Variants in CYTH3 observed in about 807,000 individuals in gnomAD.
CYTH3 encodes cytohesin 3.
In CYTH3, 23 loss-of-function variants were observed where a neutral mutation model predicts 55.1. That is an observed-to-expected ratio of 0.42 (90% CI 0.30 to 0.59). CYTH3 has a LOEUF of 0.59. CYTH3 is among the 20% of genes least tolerant of loss of function. The pLI is 0.20. For missense variants in CYTH3, 413 were observed against 524.8 expected, an observed-to-expected ratio of 0.79 and a Z score of 2.08; for synonymous variants, 249 against 194.9, an observed-to-expected ratio of 1.28 and a Z score of -2.31.
rs1022446891 is a variant in CYTH3 at position 6,162,965 on chromosome 7, G to C, written c.*1979C>G. 2.0e-5 allele frequency: 3 copies of C among 152,666 alleles called. No homozygotes were observed. The highest frequency in any genetic ancestry group is 4.4e-5 in the Non-Finnish European group (3 of 68,050). 9.5% of individuals were successfully genotyped at this position (152,666 alleles called of 1,614,324 possible). On this transcript the variant is annotated 3_prime_UTR_variant, in exon 13 of 13. Transcript: ENST00000350796. ...GCCGTCAGTGTGTGGTCTGGGTGGG[G>C]GTCCAGGCAGCATTTATTTTCATGG...
chr7:6,184,917 G>T (rs1344554073), intron 4 of CYTH3, among the ~76,000 whole-genome samples: 1 of 152,186 alleles, frequency 6.6e-6, no homozygotes, highest in Non-Finnish European at 1.5e-5. Context: ...TTATTTGTAT[G>T]TATTTCATGA....
At chr7:6,253,801 G>A (rs1423345784) in intron 1 of CYTH3, among the ~76,000 whole-genome samples, 1 of 151,790 alleles carries the variant, frequency 6.6e-6, no homozygotes, top group Non-Finnish European at 1.5e-5. Flanking sequence ...GGGTGACAGA[G>A]TGAGATGCTG....
At chr7:6,201,132 C>A (rs1201663024) in intron 1 of CYTH3, among the ~76,000 whole-genome samples, 1 of 152,210 alleles carries the variant, frequency 6.6e-6, no homozygotes. Context: ...AAAGGGCAGG[C>A]TCTGAGCTGC....
intron 1 of CYTH3, among the ~76,000 whole-genome samples, chr7:6,236,581 C>A (rs1424437107): frequency 6.6e-6 from 1 of 150,864 alleles, no homozygotes; most frequent in African/African-American, 2.4e-5. Context: ...GTTTTTTAGG[C>A]AAATTCTCGC....
chr7:6,255,288 G>C (rs1475013050), intron 1 of CYTH3, among the ~76,000 whole-genome samples: 2 of 152,194 alleles, frequency 1.3e-5, no homozygotes, highest in Non-Finnish European at 2.9e-5. Flanking sequence ...TAAGCATACA[G>C]AAAGTATGAA....
intron 1 of CYTH3, among the ~76,000 whole-genome samples, chr7:6,268,078 A>G (rs903965028): frequency 8.6e-5 from 13 of 152,030 alleles, no homozygotes; most frequent in Non-Finnish European, 1.5e-4. Context: ...TTCACCTTCC[A>G]GGGAATCTGC....
intron 12 of CYTH3, 101 bp from the exon 13 acceptor site, chr7:6,165,117 A>C: frequency 6.4e-7 from 1 of 1,568,528 alleles, no homozygotes. Context: ...CCGCAGGCTC[A>C]GATCTGAACG....
At position 6,170,809 on chromosome 7, in the gene CYTH3, GC is replaced by G; in HGVS notation, c.711+20del. 1 of 1,601,630 alleles carries G rather than the reference GC, an allele frequency of 6.2e-7. No homozygotes were observed. The highest frequency in any genetic ancestry group is 8.5e-7 in the Non-Finnish European group (1 of 1,174,066). Reference sequence around the variant, plus strand: ...CGAAGAGATCCTGCAGACGGCAGCGGCCGCGGGCCGGGGAGCTCACCCTCAG... The same window carrying G: ...CGAAGAGATCCTGCAGACGGCAGCGGCGCGGGCCGGGGAGCTCACCCTCAG... On this transcript the variant is annotated intron_variant, in intron 8 of 12. Coordinates refer to ENST00000350796, the MANE Select transcript of CYTH3 (RefSeq NM_004227.4). This position sits in a 1 kb window ranked among gnomAD's most constrained non-coding sequence, Gnocchi z 7.8.
intron 1 of CYTH3, among the ~76,000 whole-genome samples, chr7:6,247,995 T>C (rs1779864815): frequency 6.6e-6 from 1 of 152,000 alleles, no homozygotes; most frequent in South Asian, 2.1e-4. Context: ...GCCCTAGTTT[T>C]CAGCTTGGCC....
intron 4 of CYTH3, among the ~76,000 whole-genome samples, chr7:6,179,858 CCACA>C (rs964007899): frequency 2.5e-5 from 3 of 121,250 alleles, no homozygotes; most frequent in African/African-American, 3.6e-5. Flanking sequence ...CACAGACACA[CCACA>C]CACACCCACA....
chr7:6,256,736 G>GT (rs1583201946), intron 1 of CYTH3, among the ~76,000 whole-genome samples: 1 of 152,174 alleles, frequency 6.6e-6, no homozygotes, highest in East Asian at 1.9e-4. Flanking sequence ...AAAAAGTCAT[G>GT]TTCTGCATGT....
chr7:6,190,425 T>G, intron 2 of CYTH3, 24 bp downstream of exon 2: 1 of 1,444,624 alleles, frequency 6.9e-7, no homozygotes, highest in Non-Finnish European at 9.1e-7. Flanking sequence ...TTTTGGATTT[T>G]TGGTTTTTTT....
chr7:6,183,229 C>T (rs1783552158), intron 4 of CYTH3, among the ~76,000 whole-genome samples: 2 of 152,248 alleles, frequency 1.3e-5, no homozygotes, highest in South Asian at 4.1e-4. Flanking sequence ...ACCTCCTCTG[C>T]ACTCGGGGAA....
intron 1 of CYTH3, among the ~76,000 whole-genome samples, chr7:6,253,301 TCTGCC>T (rs1780018861): frequency 6.7e-6 from 1 of 149,730 alleles, no homozygotes; most frequent in African/African-American, 2.5e-5. Context: ...CACTGCAACC[TCTGCC>T]TCCTGGGTTC....
At chr7:6,186,244 A>AG (rs1491442337) in intron 4 of CYTH3, among the ~76,000 whole-genome samples, 17 of 62,392 alleles carry the variant, frequency 2.7e-4, no homozygotes, top group Admixed American at 2.5e-3. Context: ...ACTCTATCTC[A>AG]AAAAAAAAAA....
rs763769715 is a variant in CYTH3, at chr7:6,162,071, ATG to A, written c.*2871_*2872del. The A allele has an allele frequency of 2.0e-5, 3 of 152,680 alleles. No homozygotes were observed. The highest frequency in any genetic ancestry group is 4.4e-5 in the Non-Finnish European group (3 of 68,046). 9.5% of individuals were successfully genotyped at this position (152,680 alleles called of 1,614,324 possible). On this transcript the variant is annotated 3_prime_UTR_variant, in exon 13 of 13. Transcript: ENST00000350796. ...CCTAACTTCTCAGCAAAGCATATCT[ATG>A]TAGATATCTGCGTTTGTAACTTTAA...
intron 4 of CYTH3, among the ~76,000 whole-genome samples, chr7:6,183,895 C>A (rs377369726): frequency 2.0e-5 from 3 of 151,814 alleles, no homozygotes; most frequent in East Asian, 3.9e-4. Context: ...TCCTTACTCC[C>A]CAGCATGTGA....
intron 1 of CYTH3, among the ~76,000 whole-genome samples, chr7:6,261,309 G>T (rs547395654): frequency 7.2e-5 from 11 of 152,190 alleles, no homozygotes; most frequent in Middle Eastern, 3.4e-3. Context: ...AGAGTTCAGG[G>T]GCTGCCAAGT....
intron 1 of CYTH3, among the ~76,000 whole-genome samples, chr7:6,250,315 C>CA (rs1200046733): frequency 1.3e-5 from 2 of 152,166 alleles, no homozygotes; most frequent in Admixed American, 1.3e-4. Context: ...TGTGGTCCTT[C>CA]AAATAATACG....
Sources: allele counts gnomAD v4.1 joint callset (sites outside exome capture counted in the v4.1 genomes callset), GRCh38; gene constraint gnomAD v4.1.1; non-coding constraint Gnocchi (gnomAD v3.1); transcripts MANE v1.5; gene names NCBI Gene and HGNC (gene_info 2026-07-23, HGNC 2026-07-21).